The following SULT1B1 variants were observed in gnomAD, a reference collection of about 807,000 sequenced individuals.
SULT1B1 encodes sulfotransferase 1B1.
SULT1B1 carries 28 observed loss-of-function variants against 34.6 expected under a neutral mutation model. The ratio of observed to expected loss-of-function variants is 0.81; its 90% CI spans 0.60 to 1.11. The LOEUF (loss-of-function observed/expected upper bound fraction) is 1.11. SULT1B1 is among the 50% of genes least tolerant of loss of function. The pLI is 0.00. For missense variants in SULT1B1, 374 were observed against 352.2 expected, an observed-to-expected ratio of 1.06 and a Z score of -0.50; for synonymous variants, 147 against 110.2, an observed-to-expected ratio of 1.33 and a Z score of -2.09.
chr4:69,735,662 G>A (rs574534616), intron 4 of SULT1B1, among the ~76,000 whole-genome samples: 174 of 152,272 alleles, frequency 1.1e-3, no homozygotes, highest in Middle Eastern at 6.8e-3. Flanking sequence ...AGCAGGGATG[G>A]TACAGTATGT....
In SULT1B1 at chr4:69,755,224, A is replaced by G. The variant is rs1719144524; in HGVS notation, c.-7T>C. 6.2e-7 allele frequency: 1 copy of G among 1,612,154 alleles called. No homozygotes were observed. The highest frequency in any genetic ancestry group is 8.5e-7 in the Non-Finnish European group (1 of 1,178,406). On this transcript the variant is annotated 5_prime_UTR_variant, in exon 2 of 8. Coordinates refer to ENST00000310613, the MANE Select transcript of SULT1B1 (RefSeq NM_014465.4). Reference sequence around the variant, plus strand: ...TATCTTTTGGGGAAAGCATTTTAATACCAGATTGTACAAATATATAATAGA... The same window carrying G: ...TATCTTTTGGGGAAAGCATTTTAATGCCAGATTGTACAAATATATAATAGA...
intron 4 of SULT1B1, among the ~76,000 whole-genome samples, chr4:69,739,821 T>A (rs539263759): frequency 3.2e-4 from 49 of 152,172 alleles, no homozygotes; most frequent in Non-Finnish European, 5.9e-4. Context: ...ACTTAGAAAT[T>A]TCAAAGTTCT....
chr4:69,740,216 G>C (rs180829970), intron 4 of SULT1B1, among the ~76,000 whole-genome samples: 5 of 152,264 alleles, frequency 3.3e-5, no homozygotes, highest in Admixed American at 1.3e-4. Flanking sequence ...TACTGTATTA[G>C]TTCATTCTCA....
chr4:69,748,377 G>A (rs1196814796), intron 4 of SULT1B1, among the ~76,000 whole-genome samples: 1 of 152,136 alleles, frequency 6.6e-6, no homozygotes, highest in East Asian at 1.9e-4. Context: ...TACATGAAAT[G>A]AAAACCAGTA....
chr4:69,759,108 C>A (rs1222551358), intron 1 of SULT1B1, among the ~76,000 whole-genome samples: 3 of 152,184 alleles, frequency 2.0e-5, no homozygotes, highest in African/African-American at 7.2e-5. Flanking sequence ...TCTTTTAAAA[C>A]AAATTGTACT....
intron 4 of SULT1B1, among the ~76,000 whole-genome samples, chr4:69,748,986 G>A (rs946747560): frequency 2.0e-5 from 3 of 152,000 alleles, no homozygotes; most frequent in African/African-American, 7.2e-5. Flanking sequence ...AAAGTAAGTA[G>A]ATGGAGAGAA....
intron 4 of SULT1B1, among the ~76,000 whole-genome samples, chr4:69,739,216 A>C (rs1718442432): frequency 6.6e-6 from 1 of 152,188 alleles, no homozygotes; most frequent in South Asian, 2.1e-4. Flanking sequence ...ATGCCCCAGT[A>C]GGGACTCTGT....
intron 4 of SULT1B1, among the ~76,000 whole-genome samples, chr4:69,742,609 C>A (rs1440371489): frequency 6.6e-6 from 1 of 152,116 alleles, no homozygotes; most frequent in African/African-American, 2.4e-5. Context: ...TTATGAGATC[C>A]TTGGGGTTTT....
intron 4 of SULT1B1, among the ~76,000 whole-genome samples, chr4:69,746,444 A>G (rs2110026761): frequency 6.6e-6 from 1 of 152,272 alleles, no homozygotes; most frequent in Middle Eastern, 3.4e-3. Flanking sequence ...GTTGATTCAA[A>G]GGAACAGTCT....
At chr4:69,744,325 G>A (rs1718668977) in intron 4 of SULT1B1, among the ~76,000 whole-genome samples, 1 of 152,188 alleles carries the variant, frequency 6.6e-6, no homozygotes, top group African/African-American at 2.4e-5. Context: ...TTTGTACAAA[G>A]GAACCCGACA....
At chr4:69,751,303 G>T (rs531528234) in intron 3 of SULT1B1, among the ~76,000 whole-genome samples, 17 of 152,248 alleles carry the variant, frequency 1.1e-4, no homozygotes, top group African/African-American at 3.1e-4. Flanking sequence ...TCCTTGTTCC[G>T]CATTCAGCTT....
At position 69,749,871 on chromosome 4, in the gene SULT1B1, G is replaced by A. The variant is rs559560179; in HGVS notation, c.278-53C>T. ...ATATTAGAGTCTCCAGAAAGGCTAC[G>A]TTTCCTTATTTTGCCAACCAGTTTT... is the stretch of plus-strand genomic sequence containing the variant. On this transcript the variant is annotated intron_variant, in intron 3 of 7. Transcript: ENST00000310613. 92 of 1,386,908 alleles carry A rather than the reference G, an allele frequency of 6.6e-5. No homozygotes were observed. In the South Asian group the frequency reaches 7.3e-4, roughly 11 times the overall value. 85.9% of individuals were successfully genotyped at this position (1,386,908 alleles called of 1,614,324 possible). A position where few individuals can be genotyped will look rare whatever the true frequency, so the allele number is the denominator to read the frequency against.
Position 69,755,918 on chromosome 4 carries a change from A to G in SULT1B1, c.-44-657T>C, listed in dbSNP as rs567825282. Among the ~76,000 whole-genome samples the G allele has an allele frequency of 2.6e-5, 4 of 152,224 alleles. No individual in the cohort carries two copies. In the South Asian group the frequency reaches 8.3e-4, roughly 32 times the overall value. ...CTTCTGAGACTATAATTACATGTAT[A>G]TTAGGCCATATGAAGTTGCCCACAG... On this transcript the variant is annotated intron_variant, in intron 1 of 7. Coordinates refer to ENST00000310613, the MANE Select transcript of SULT1B1 (RefSeq NM_014465.4).
chr4:69,739,512 C>A (rs1261984928), intron 4 of SULT1B1, among the ~76,000 whole-genome samples: 2 of 152,216 alleles, frequency 1.3e-5, no homozygotes, highest in Non-Finnish European at 2.9e-5. Context: ...GGACACAGGT[C>A]ACCAAGTCCC....
In SULT1B1 at chr4:69,725,566, G is replaced by A. The variant is rs1578041789; in HGVS notation, c.*1522C>T. ...AAATCATGCTGCTATAAAGACACAT[G>A]CACACGTATATTTATTGCGGCACTA... On this transcript the variant is annotated 3_prime_UTR_variant, in exon 8 of 8. Transcript: ENST00000310613. The A allele has an allele frequency of 6.6e-6, 1 of 152,196 alleles. No homozygotes were observed. Among genetic ancestry groups the A allele is most frequent in the East Asian group, 1.9e-4 (1 of 5,166 alleles). 9.4% of individuals were successfully genotyped at this position (152,196 alleles called of 1,614,324 possible). A position where few individuals can be genotyped will look rare whatever the true frequency, so the allele number is the denominator to read the frequency against.
In SULT1B1 at chr4:69,730,507, G is replaced by A. The variant is rs141660078; in HGVS notation, c.772C>T (p.Arg258Cys). The change falls in exon 7 of 8, where the codon CGT becomes TGT. Residue 258 changes from arginine (R) to cysteine (C), a missense_variant. By Grantham distance (180) the Arg-to-Cys change is radical. Coordinates refer to ENST00000310613, the MANE Select transcript of SULT1B1 (RefSeq NM_014465.4). The stretch of plus-strand genomic sequence containing the variant: ...AACCCAGCAAAGTATTTACCTTTAC[G>A]CATAAAAGGGGATTTGCTATGATCC... ...VMDHSKSPFMRKGTAGDWKNY... is the reference protein window; with the variant it reads ...VMDHSKSPFMCKGTAGDWKNY... The A allele has an allele frequency of 1.7e-5, 27 of 1,598,784 alleles. No individual in the cohort carries two copies. The highest frequency in any genetic ancestry group is 3.3e-4 in the Middle Eastern group (2 of 5,988).
intron 5 of SULT1B1, among the ~76,000 whole-genome samples, chr4:69,733,785 A>G (rs1238330577): frequency 6.6e-6 from 1 of 152,184 alleles, no homozygotes; most frequent in Non-Finnish European, 1.5e-5. Context: ...CTTACAAAGT[A>G]CTCATATCAA....
intron 7 of SULT1B1, among the ~76,000 whole-genome samples, chr4:69,727,632 A>G (rs894300914): frequency 2.0e-5 from 3 of 152,042 alleles, no homozygotes; most frequent in East Asian, 3.9e-4. Flanking sequence ...GCACAGCAAA[A>G]CTGTGAAATA....
At position 69,726,711 on chromosome 4, in the gene SULT1B1, A is replaced by G. The variant is rs143846010; in HGVS notation, c.*377T>C. On this transcript the variant is annotated 3_prime_UTR_variant, in exon 8 of 8. Transcript: ENST00000310613. ...CAGAGTTAGGAAATATAGTCTCATT[A>G]TGAAAACAGCATTTCTTGGACCATG... 4.2e-3 allele frequency: 642 copies of G among 154,438 alleles called. 1 individual carries two copies. The highest frequency in any genetic ancestry group is 0.011 in the South Asian group (53 of 4,862). The allele number at this position is 154,438 out of a possible 1,614,324, so 9.6% of individuals were successfully genotyped here.
Sources: allele counts gnomAD v4.1 joint callset (sites outside exome capture counted in the v4.1 genomes callset), GRCh38; gene constraint gnomAD v4.1.1; transcripts MANE v1.5; gene names NCBI Gene and HGNC (gene_info 2026-07-23, HGNC 2026-07-21).